The following PPM1L variants were observed in gnomAD, a reference collection of about 807,000 sequenced individuals.
PPM1L encodes protein phosphatase 1L.
PPM1L carries 13 observed loss-of-function variants against 31.4 expected under a neutral mutation model. The observed-to-expected ratio is 0.41, with a 90% CI of 0.27 to 0.66. The LOEUF is 0.66. Ranked by LOEUF, PPM1L falls within the 30% of genes least tolerant of loss-of-function variation. PPM1L has a pLI of 0.29. For missense variants in PPM1L, 326 were observed against 453.7 expected (o/e 0.72, Z 2.56); for synonymous variants, 184 against 175.4 (o/e 1.05, Z -0.39).
chr3:160,883,566 C>T (rs1354921712), intron 1 of PPM1L, among the ~76,000 whole-genome samples: 2 of 151,984 alleles, frequency 1.3e-5, no homozygotes, highest in African/African-American at 2.4e-5. Context: ...AACAGTGAGT[C>T]AGAAGCCAGG....
At chr3:160,913,080 G>T (rs926081290) in intron 1 of PPM1L, among the ~76,000 whole-genome samples, 2 of 152,094 alleles carry the variant, frequency 1.3e-5, no homozygotes, top group Non-Finnish European at 2.9e-5. Flanking sequence ...CATGAAGATG[G>T]TATATGAATT....
rs777095439 is a variant in PPM1L, at chr3:161,068,987, T to C, written c.913T>C (p.Trp305Arg). The change falls in exon 4 of 4, where the codon TGG (tryptophan) becomes CGG (arginine). Residue 305 changes from tryptophan (W) to arginine (R), a missense_variant. Trp to Arg is a moderately radical substitution (Grantham distance 101). Transcript: ENST00000498165. ...EFMILASDGL[W>R]DAFSNEEAVR... ...CATGATCTTGGCATCAGATGGTCTC[T>C]GGGATGCTTTCAGCAATGAAGAAGC... 6.2e-7 allele frequency: 1 copy of C among 1,614,178 alleles called. No homozygotes were observed. The highest frequency in any genetic ancestry group is 1.3e-5 in the African/African-American group (1 of 75,044).
chr3:160,781,931 G>T (rs1358796952), intron 1 of PPM1L, among the ~76,000 whole-genome samples: 2 of 152,154 alleles, frequency 1.3e-5, no homozygotes, highest in African/African-American at 2.4e-5. Context: ...ATGTATTTCA[G>T]AATGTCATTA....
intron 1 of PPM1L, among the ~76,000 whole-genome samples, chr3:160,898,572 C>G (rs6441336): frequency 2.6e-5 from 4 of 152,116 alleles, no homozygotes; most frequent in African/African-American, 9.7e-5. Context: ...CTCTGACCTC[C>G]CCAAACCACA....
At chr3:161,047,699 A>G (rs544082714) in intron 2 of PPM1L, among the ~76,000 whole-genome samples, 46 of 152,250 alleles carry the variant, frequency 3.0e-4, no homozygotes, top group Non-Finnish European at 5.4e-4. Flanking sequence ...CTACAAGGCT[A>G]TAGTAACCAA....
At chr3:161,064,947 A>G (rs553487949) in intron 2 of PPM1L, among the ~76,000 whole-genome samples, 3 of 152,014 alleles carry the variant, frequency 2.0e-5, no homozygotes, top group African/African-American at 4.8e-5. Flanking sequence ...CATGCTCCAC[A>G]TGATTCAGCT....
chr3:161,009,694 A>G (rs1172018464), intron 2 of PPM1L, among the ~76,000 whole-genome samples: 2 of 152,322 alleles, frequency 1.3e-5, no homozygotes. Flanking sequence ...TAGTAAGACT[A>G]TATATAGACT....
chr3:161,021,067 T>C (rs893826746), intron 2 of PPM1L, among the ~76,000 whole-genome samples: 2 of 152,014 alleles, frequency 1.3e-5, no homozygotes, highest in African/African-American at 4.8e-5. Context: ...TATGCTCTAA[T>C]CTTTATTATT....
intron 1 of PPM1L, among the ~76,000 whole-genome samples, chr3:160,931,558 A>C (rs1051929886): frequency 4.6e-5 from 7 of 152,238 alleles, no homozygotes; most frequent in African/African-American, 1.7e-4. Context: ...GCTAAGTGGC[A>C]AGAAGAAAAA....
intron 1 of PPM1L, among the ~76,000 whole-genome samples, chr3:160,954,924 T>TTTCC (rs796768427): frequency 1.2e-3 from 104 of 86,020 alleles, no homozygotes; most frequent in African/African-American, 1.7e-3. Context: ...TCCTTCCTTC[T>TTTCC]TTCCTTCCTT....
chr3:160,808,329 G>A (rs1202088586), intron 1 of PPM1L, among the ~76,000 whole-genome samples: 1 of 144,998 alleles, frequency 6.9e-6, no homozygotes, highest in Non-Finnish European at 1.5e-5. Context: ...GTGCGTGCAT[G>A]TGTGGTGGGT....
chr3:160,765,358 G>A (rs1028877819), intron 1 of PPM1L, among the ~76,000 whole-genome samples: 1 of 152,190 alleles, frequency 6.6e-6, no homozygotes, highest in Non-Finnish European at 1.5e-5. Flanking sequence ...ACATTGTTAT[G>A]TGGACACTGC....
At chr3:160,844,856 CA>C (rs1714024918) in intron 1 of PPM1L, among the ~76,000 whole-genome samples, 1 of 151,996 alleles carries the variant, frequency 6.6e-6, no homozygotes, top group African/African-American at 2.4e-5. Context: ...ACATTTTCAT[CA>C]CCCCAAGCAG....
At chr3:161,046,565 A>C (rs1388385921) in intron 2 of PPM1L, among the ~76,000 whole-genome samples, 1 of 152,096 alleles carries the variant, frequency 6.6e-6, no homozygotes, top group Non-Finnish European at 1.5e-5. Flanking sequence ...TAGAAAAAGA[A>C]GGAATCCTCC....
At position 160,896,732 on chromosome 3, in the gene PPM1L, C is replaced by G. The variant is rs1180829147; in HGVS notation, c.400-65004C>G. ...ATATTTATTGGCTGGGAGACTTGGG[C>G]TTCTGATAGCTTTGCCTGGAATTAT... On this transcript the variant is annotated intron_variant, in intron 1 of 3. Coordinates refer to ENST00000498165, the MANE Select transcript of PPM1L (RefSeq NM_139245.4). Among the ~76,000 whole-genome samples the G allele has an allele frequency of 2.6e-5, 4 of 152,108 alleles. No individual in the cohort carries two copies. In the East Asian group the frequency reaches 7.7e-4, roughly 29 times the overall value.
At chr3:161,031,828 C>T (rs1718574085) in intron 2 of PPM1L, among the ~76,000 whole-genome samples, 1 of 152,080 alleles carries the variant, frequency 6.6e-6, no homozygotes, top group Non-Finnish European at 1.5e-5. Context: ...AGCAGCAACA[C>T]CAGCAGTCCA....
chr3:161,004,755 C>T (rs1328999464), intron 2 of PPM1L, among the ~76,000 whole-genome samples: 10 of 150,366 alleles, frequency 6.7e-5, no homozygotes, highest in South Asian at 2.1e-4. Context: ...GTCTTGCTAG[C>T]GGTCTATCAA....
chr3:161,039,263 C>T (rs940497821), intron 2 of PPM1L, among the ~76,000 whole-genome samples: 40 of 152,290 alleles, frequency 2.6e-4, no homozygotes, highest in Non-Finnish European at 5.4e-4. Flanking sequence ...CAAGAACTCT[C>T]TTTTGGGGTC....
intron 1 of PPM1L, among the ~76,000 whole-genome samples, chr3:160,861,752 T>A (rs1187452206): frequency 6.6e-6 from 1 of 152,234 alleles, no homozygotes; most frequent in Non-Finnish European, 1.5e-5. Flanking sequence ...GTTATGGCAC[T>A]AACCAAGGTG....
Sources: allele counts gnomAD v4.1 joint callset (sites outside exome capture counted in the v4.1 genomes callset), GRCh38; gene constraint gnomAD v4.1.1; transcripts MANE v1.5; gene names NCBI Gene and HGNC (gene_info 2026-07-23, HGNC 2026-07-21).